The following ATP4A variants were observed in gnomAD, a reference collection of about 807,000 sequenced individuals.
ATP4A encodes the protein potassium-transporting ATPase alpha chain 1.
In ATP4A, 73 loss-of-function variants were observed where a neutral mutation model predicts 112.1. That is an observed-to-expected ratio of 0.65 (90% CI 0.54 to 0.79). ATP4A has a LOEUF of 0.79. Ranked by LOEUF, ATP4A falls within the 30% of genes least tolerant of loss-of-function variation. The pLI is 0.00. For missense variants in ATP4A, 1,081 were observed against 1,425.9 expected (o/e 0.76, Z 3.90); for synonymous variants, 588 against 588.9 (o/e 1.00, Z 0.02).
rs745814976 is a variant in ATP4A, at chr19:35,558,486, A to G, written c.1376T>C (p.Ile459Thr). The G allele has an allele frequency of 3.8e-6, 6 of 1,596,836 alleles. No homozygotes were observed. Among genetic ancestry groups the G allele is most frequent in the Non-Finnish European group, 4.3e-6 (5 of 1,172,606 alleles). Residue 459 changes from isoleucine (I) to threonine (T), a missense_variant, in exon 10 of 22, where the codon ATT becomes ACT. This residue lies in a region of ATP4A where 850 missense variants were observed against 1,068.2 expected (regional missense o/e 0.80). Coordinates refer to ENST00000262623, the MANE Select transcript of ATP4A (RefSeq NM_000704.3). The surrounding 1 kb of genome is among the most constrained non-coding windows in gnomAD (Gnocchi z 5.1). ...DAVPVPKRIVIGDASETALLK... is the reference protein window; with the variant it reads ...DAVPVPKRIVTGDASETALLK... ...CAGCGCCGTCTCCGATGCGTCTCCA[A>G]TCACGATGCGCTGGGAGCGGGGACC...
At position 35,558,770 on chromosome 19, in the gene ATP4A, C is replaced by T; in HGVS notation, c.1256-84G>A. The T allele has an allele frequency of 1.2e-5, 17 of 1,410,790 alleles. No homozygotes were observed. In the South Asian group the frequency reaches 1.8e-4, roughly 15 times the overall value. 87.4% of individuals were successfully genotyped at this position (1,410,790 alleles called of 1,614,324 possible). ...GCCCCCTCCTCCTAGGCTCATATCG[C>T]GGGCCCCCTCCCCAGACCTGGGTGG... On this transcript the variant is annotated intron_variant, in intron 8 of 21. Transcript: ENST00000262623. This position sits in a 1 kb window ranked among gnomAD's most constrained non-coding sequence, Gnocchi z 5.1.
chr19:35,558,632 G>T lies in ATP4A; in HGVS notation c.1310C>A (p.Thr437Asn). ...ETWRALCRVL[T>N]LCNRAAFKSG... ...CTTGAAGGCGGCGCGGTTGCACAGG[G>T]TGAGCACCCGGCACAGCGCCCGCCA... Residue 437 changes from threonine (T) to asparagine (N), a missense_variant, in exon 9 of 22, where the codon ACC becomes AAC. Thr to Asn is a moderately conservative substitution (Grantham distance 65). This residue lies in a region of ATP4A where 850 missense variants were observed against 1,068.2 expected (regional missense o/e 0.80). Transcript: ENST00000262623. The surrounding 1 kb of genome is among the most constrained non-coding windows in gnomAD (Gnocchi z 5.1). 1.3e-6 allele frequency: 2 copies of T among 1,599,376 alleles called. No homozygotes were observed. Among genetic ancestry groups the T allele is most frequent in the Non-Finnish European group, 1.7e-6 (2 of 1,175,210 alleles).
In ATP4A at chr19:35,555,822, G is replaced by A. The variant is rs1302996792; in HGVS notation, c.1870-10C>T. 1 of 1,599,086 alleles carries A rather than the reference G, an allele frequency of 6.3e-7. No individual in the cohort carries two copies. ...CCGTTACCATGATCACCTGTAGGGG[G>A]AACCAGTGGATCACTGACCCCTTCA... On this transcript the variant is annotated splice_polypyrimidine_tract_variant and intron_variant, in intron 12 of 21. Transcript: ENST00000262623. The surrounding 1 kb of genome is among the most constrained non-coding windows in gnomAD (Gnocchi z 6.6).
In ATP4A at chr19:35,560,820, T is replaced by G. The variant is rs761648811; in HGVS notation, c.533A>C (p.Gln178Pro). ...GTGGCTGGGTGCTGGGGAACCCACCTGTGGCACAAGGTTCTTAAAGCTGGC... is the reference window on the plus strand; with the variant it reads ...GTGGCTGGGTGCTGGGGAACCCACCGGTGGCACAAGGTTCTTAAAGCTGGC... ...IIASFKNLVP[Q>P]QATVIRDGDK... Residue 178 changes from glutamine to proline, a missense_variant and splice_region_variant, in exon 5 of 22, where the codon CAG becomes CCG. Gln to Pro is a moderately conservative substitution (Grantham distance 76, BLOSUM62 -1). Around this residue, in one of 3 missense-constraint regions of ATP4A, gnomAD observed 850 missense variants for 1,068.2 expected, o/e 0.80. Transcript: ENST00000262623. The surrounding 1 kb of genome is among the most constrained non-coding windows in gnomAD (Gnocchi z 5.1). The G allele has an allele frequency of 5.6e-5, 91 of 1,613,808 alleles. No individual in the cohort carries two copies. The highest frequency in any genetic ancestry group is 1.8e-4 in the Admixed American group (11 of 59,998).
At chr19:35,561,751 C>A (rs538873490) in intron 4 of ATP4A, among the ~76,000 whole-genome samples, 32 of 151,944 alleles carry the variant, frequency 2.1e-4, no homozygotes, top group Non-Finnish European at 3.8e-4. Context: ...GGTCCCTGCC[C>A]TGGTGTCCTA....
chr19:35,560,037 C>G lies in ATP4A; in HGVS notation c.824G>C (p.Arg275Pro), dbSNP rs750910096. The change falls in exon 7 of 22, where the codon CGC becomes CCC. Residue 275 changes from arginine (R) to proline (P), a missense_variant. Arg to Pro is a moderately radical substitution (Grantham distance 103). Around this residue, in one of 3 missense-constraint regions of ATP4A, gnomAD observed 850 missense variants for 1,068.2 expected, o/e 0.80. Transcript: ENST00000262623. This position sits in a 1 kb window ranked among gnomAD's most constrained non-coding sequence, Gnocchi z 5.1. Reference sequence around the variant, plus strand: ...CGATGCGATGCGCCCAATGATGGTGCGGTCGCCCGTGTTCACCACCAGGCC... The same window carrying G: ...CGATGCGATGCGCCCAATGATGGTGGGGTCGCCCGTGTTCACCACCAGGCC... ...VQGLVVNTGD[R>P]TIIGRIASLA... is the part of the protein sequence containing the mutation. 1 of 1,614,126 alleles carries G rather than the reference C, an allele frequency of 6.2e-7. No individual in the cohort carries two copies. Among genetic ancestry groups the G allele is most frequent in the Non-Finnish European group, 8.5e-7 (1 of 1,179,970 alleles).
Position 35,551,149 on chromosome 19 carries a change from G to A in ATP4A, c.2886-38C>T, listed in dbSNP as rs896885665. On this transcript the variant is annotated intron_variant, in intron 19 of 21. Transcript: ENST00000262623. This position sits in a 1 kb window ranked among gnomAD's most constrained non-coding sequence, Gnocchi z 5.2. ...AGAATGGGACAGGCCATTAGGAATTGGGGACGTGATGGAAATCAGGATACT... is the reference window on the plus strand; with the variant it reads ...AGAATGGGACAGGCCATTAGGAATTAGGGACGTGATGGAAATCAGGATACT... 6.4e-7 allele frequency: 1 copy of A among 1,561,352 alleles called. No homozygotes were observed. The highest frequency in any genetic ancestry group is 8.7e-7 in the Non-Finnish European group (1 of 1,148,228).
chr19:35,555,277 CCTT>C lies in ATP4A; in HGVS notation c.2212_2214del (p.Lys738del), dbSNP rs1232390381. 4 of 1,614,092 alleles carry C rather than the reference CCTT, an allele frequency of 2.5e-6. No individual in the cohort carries two copies. Among genetic ancestry groups the C allele is most frequent in the African/African-American group, 1.3e-5 (1 of 74,932 alleles). ...ATGCCCATGGCTACTCCGATGTCTG[CCTT>C]CTTCAGAGCTGGGGAGTCATTCACA... On this transcript the variant is annotated inframe_deletion, in exon 15 of 22. Coordinates refer to ENST00000262623, the MANE Select transcript of ATP4A (RefSeq NM_000704.3). The surrounding 1 kb of genome is among the most constrained non-coding windows in gnomAD (Gnocchi z 6.6).
Position 35,551,987 on chromosome 19 carries a change from GAA to G in ATP4A, c.2752-409_2752-408del, listed in dbSNP as rs1235387462. Among the ~76,000 whole-genome samples the G allele has an allele frequency of 6.6e-6, 1 of 152,180 alleles. No homozygotes were observed. Among genetic ancestry groups the G allele is most frequent in the Non-Finnish European group, 1.5e-5 (1 of 68,012 alleles). ...TGAGGCAGTCACCGCGGGCCTTTGGGAAAAGAGGGCAGATGCCCCATTTAAAG... is the reference window on the plus strand; with the variant it reads ...TGAGGCAGTCACCGCGGGCCTTTGGGAAGAGGGCAGATGCCCCATTTAAAG... On this transcript the variant is annotated intron_variant, in intron 18 of 21. Transcript: ENST00000262623. This position sits in a 1 kb window ranked among gnomAD's most constrained non-coding sequence, Gnocchi z 5.2.
chr19:35,553,815 G>T lies in ATP4A; in HGVS notation c.2496C>A (p.Ser832=). 6.3e-7 allele frequency: 1 copy of T among 1,581,024 alleles called. No homozygotes were observed. Residue 832 remains serine, a synonymous_variant, in exon 17 of 22, where the codon TCC becomes TCA. Transcript: ENST00000262623. The part of the protein sequence containing the change: ...ELCTDIFPSV[S]LAYEKAESDI... ...CACTCTCGGCCTTTTCATATGCCAG[G>T]GACACAGATGGGAACTGGCCAGGAG...
At position 35,552,940 on chromosome 19, in the gene ATP4A, C is replaced by T. The variant is rs960787393; in HGVS notation, c.2751+97G>A. On this transcript the variant is annotated intron_variant, in intron 18 of 21. Transcript: ENST00000262623. ...GGGGGTCCGGGATGCTCTGGCTGAACTCAGTCACACGTGGAGGAACAAGTG... is the reference window on the plus strand; with the variant it reads ...GGGGGTCCGGGATGCTCTGGCTGAATTCAGTCACACGTGGAGGAACAAGTG... The T allele has an allele frequency of 3.5e-6, 5 of 1,440,956 alleles. No individual in the cohort carries two copies. The African/African-American group carries it at 7.1e-5, about 21-fold the overall frequency. 89.3% of individuals were successfully genotyped at this position (1,440,956 alleles called of 1,614,324 possible). A position where few individuals can be genotyped will look rare whatever the true frequency, so the allele number is the denominator to read the frequency against.
chr19:35,558,643 G>A lies in ATP4A; in HGVS notation c.1299C>T (p.Cys433=). The A allele has an allele frequency of 6.3e-7, 1 of 1,592,282 alleles. No homozygotes were observed. The highest frequency in any genetic ancestry group is 1.8e-5 in the Admixed American group (1 of 55,744). Residue 433 remains cysteine (C), a synonymous_variant, in exon 9 of 22, where the codon TGC becomes TGT. Transcript: ENST00000262623. This position sits in a 1 kb window ranked among gnomAD's most constrained non-coding sequence, Gnocchi z 5.1. ...CGCGGTTGCACAGGGTGAGCACCCG[G>A]CACAGCGCCCGCCACGTCTCCGAGG... ...DQSSETWRAL[C]RVLTLCNRAA... is the part of the protein sequence containing the mutation.
chr19:35,551,250 T>A lies in ATP4A; in HGVS notation c.2886-139A>T. 1 of 1,193,748 alleles carries A rather than the reference T, an allele frequency of 8.4e-7. No homozygotes were observed. Among genetic ancestry groups the A allele is most frequent in the Non-Finnish European group, 1.2e-6 (1 of 841,620 alleles). The allele number at this position is 1,193,748 out of a possible 1,614,324, so 73.9% of individuals were successfully genotyped here. A position where few individuals can be genotyped will look rare whatever the true frequency, so the allele number is the denominator to read the frequency against. ...ACTGAACACTGGAGTGGCCCGGGCC[T>A]CTCAGCACCACCCCTTTAGTGAAAT... On this transcript the variant is annotated intron_variant, in intron 19 of 21. Transcript: ENST00000262623. The surrounding 1 kb of genome is among the most constrained non-coding windows in gnomAD (Gnocchi z 5.2).
chr19:35,558,308 G>GGGGCGGGGCCCGAGGT lies in ATP4A; in HGVS notation c.1500+38_1500+53dup. On this transcript the variant is annotated intron_variant, in intron 10 of 21. Coordinates refer to ENST00000262623, the MANE Select transcript of ATP4A (RefSeq NM_000704.3). The surrounding 1 kb of genome is among the most constrained non-coding windows in gnomAD (Gnocchi z 5.1). ...TGGCCCGCTGATGTGGGTGTGGCCT[G>GGGGCGGGGCCCGAGGT]GGGCGGGGCCCGAGGTGGGCGGGCC... 1 of 1,564,608 alleles carries GGGGCGGGGCCCGAGGT rather than the reference G, an allele frequency of 6.4e-7. No individual in the cohort carries two copies.
chr19:35,559,002 C>G lies in ATP4A; in HGVS notation c.1246G>C (p.Asp416His). ...CCTCCCTCCCCCACACCTGACTGGT[C>G]TTCCGTGGTGTCAGCTGTGTGGATG... ...NHIHTADTTE[D>H]QSGQTFDQSS... Residue 416 changes from aspartate to histidine, a missense_variant, in exon 8 of 22, where the codon GAC (aspartate) becomes CAC (histidine). Physicochemically the swap from Asp to His is moderately conservative, Grantham distance 81. Around this residue, in one of 3 missense-constraint regions of ATP4A, gnomAD observed 850 missense variants for 1,068.2 expected, o/e 0.80. Coordinates refer to ENST00000262623, the MANE Select transcript of ATP4A (RefSeq NM_000704.3). This position sits in a 1 kb window ranked among gnomAD's most constrained non-coding sequence, Gnocchi z 4.1. 1.2e-6 allele frequency: 2 copies of G among 1,614,182 alleles called. No individual in the cohort carries two copies. Among genetic ancestry groups the G allele is most frequent in the Non-Finnish European group, 1.7e-6 (2 of 1,180,016 alleles).
intron 16 of ATP4A, among the ~76,000 whole-genome samples, chr19:35,554,138 T>A (rs2146307305): frequency 6.6e-6 from 1 of 152,320 alleles, no homozygotes; most frequent in South Asian, 2.1e-4. Context: ...TGTGACTGTA[T>A]CTGCTCTTGT....
rs557469700 is a variant in ATP4A, at chr19:35,551,430, G to C, written c.2885+17C>G. The C allele has an allele frequency of 6.2e-7, 1 of 1,613,886 alleles. No individual in the cohort carries two copies. Among genetic ancestry groups the C allele is most frequent in the African/African-American group, 1.3e-5 (1 of 75,038 alleles). Reference sequence around the variant, plus strand: ...GACCAGGGGTTGGAGGGCAGGAAGAGGGCCAGCCAGGGACACCTGAAGAAG... The same window carrying C: ...GACCAGGGGTTGGAGGGCAGGAAGACGGCCAGCCAGGGACACCTGAAGAAG... On this transcript the variant is annotated intron_variant, in intron 19 of 21. Coordinates refer to ENST00000262623, the MANE Select transcript of ATP4A (RefSeq NM_000704.3). This position sits in a 1 kb window ranked among gnomAD's most constrained non-coding sequence, Gnocchi z 5.2.
intron 17 of ATP4A, 145 bp downstream of exon 17, chr19:35,553,561 G>A: frequency 1.6e-6 from 2 of 1,234,586 alleles, no homozygotes; most frequent in Non-Finnish European, 1.1e-6. Flanking sequence ...CAAACAGAGA[G>A]GGACACGGAG....
At position 35,563,189 on chromosome 19, in the gene ATP4A, G is replaced by T. The variant is rs551787987; in HGVS notation, c.216+20C>A. 1 of 1,609,460 alleles carries T rather than the reference G, an allele frequency of 6.2e-7. No individual in the cohort carries two copies. The highest frequency in any genetic ancestry group is 8.5e-7 in the Non-Finnish European group (1 of 1,178,894). ...CTCTCTCCTCCTCCCCTTTCTGTACGCTCCCAGTCTCCAGCTCACCTTGGT... is the reference window on the plus strand; with the variant it reads ...CTCTCTCCTCCTCCCCTTTCTGTACTCTCCCAGTCTCCAGCTCACCTTGGT... On this transcript the variant is annotated intron_variant, in intron 3 of 21. Transcript: ENST00000262623.
Sources: gnomAD v4.1 joint callset for allele counts (sites outside exome capture counted in the v4.1 genomes callset) on GRCh38, gnomAD v4.1.1 for gene constraint, gnomAD v4.1.1 regional missense constraint, Gnocchi (gnomAD v3.1) non-coding constraint, MANE v1.5 for transcripts, NCBI Gene and HGNC (gene_info 2026-07-23, HGNC 2026-07-21) for gene names.